CTNNA2: variants seen among roughly 807,000 people sequenced by gnomAD.
CTNNA2 encodes catenin alpha-2.
Under a neutral mutation model 101.0 loss-of-function variants are expected in CTNNA2, and 42 were observed. That is an observed-to-expected ratio of 0.42 (90% CI 0.32 to 0.54). The LOEUF is 0.54. Ranked by LOEUF, CTNNA2 falls within the 20% of genes least tolerant of loss-of-function variation. The pLI is 0.14. For synonymous variants in CTNNA2, 450 were observed against 456.4 expected, an observed-to-expected ratio of 0.99 and a Z score of 0.18; for missense variants, 871 against 1,223.1, an observed-to-expected ratio of 0.71 and a Z score of 4.29.
At chr2:79,678,310 G>A (rs899389670) in intron 2 of CTNNA2, among the ~76,000 whole-genome samples, 2 of 152,062 alleles carry the variant, frequency 1.3e-5, no homozygotes, top group African/African-American at 4.8e-5. Flanking sequence ...GGGAGCCCAA[G>A]GTAGGCAGAT....
chr2:79,817,236 C>T (rs1020883781), intron 3 of CTNNA2, among the ~76,000 whole-genome samples: 7 of 149,274 alleles, frequency 4.7e-5, no homozygotes, highest in African/African-American at 1.5e-4. Flanking sequence ...GTCATCTCTT[C>T]ATTTCACTTC....
At chr2:79,382,610 T>C (rs1678051374) in intron 4 of CTNNA2, among the ~76,000 whole-genome samples, 1 of 152,126 alleles carries the variant, frequency 6.6e-6, no homozygotes. Flanking sequence ...TAAAATAAAC[T>C]ATTAAATTTT....
intron 17 of CTNNA2, 90 bp from the exon 18 acceptor site, chr2:80,618,995 C>A (rs1430269719): frequency 8.7e-6 from 7 of 805,706 alleles, no homozygotes; most frequent in Middle Eastern, 4.0e-4. Flanking sequence ...CCCTCTTCCA[C>A]TCCCTAATCC....
intron 3 of CTNNA2, among the ~76,000 whole-genome samples, chr2:79,801,119 A>G (rs1558940480): frequency 6.6e-6 from 1 of 152,204 alleles, no homozygotes; most frequent in Non-Finnish European, 1.5e-5. Context: ...AGGTTTTGCT[A>G]AATGTAAATT....
intron 6 of CTNNA2, among the ~76,000 whole-genome samples, chr2:79,874,839 G>A (rs1399728036): frequency 6.6e-6 from 1 of 152,136 alleles, no homozygotes; most frequent in Non-Finnish European, 1.5e-5. Flanking sequence ...CTGTATTTAA[G>A]AGTGCCCAAT....
intron 9 of CTNNA2, among the ~76,000 whole-genome samples, chr2:80,468,453 C>G (rs775437566): frequency 2.0e-5 from 3 of 152,086 alleles, no homozygotes; most frequent in African/African-American, 7.3e-5. Context: ...GAGCCTGGCT[C>G]TGTCACCCAG....
intron 17 of CTNNA2, among the ~76,000 whole-genome samples, chr2:80,617,565 A>G (rs1698952656): frequency 6.6e-6 from 1 of 151,760 alleles, no homozygotes; most frequent in African/African-American, 2.4e-5. Flanking sequence ...TATATGCAAG[A>G]CTTTTTTTTC....
At chr2:79,756,754 G>A (rs920029192) in intron 3 of CTNNA2, among the ~76,000 whole-genome samples, 3 of 152,138 alleles carry the variant, frequency 2.0e-5, no homozygotes, top group African/African-American at 7.2e-5. Context: ...ATAAAAATGG[G>A]TGAAAGCCCT....
chr2:79,715,772 ACCCATTGCTAAC>A (rs1686055668), intron 2 of CTNNA2, among the ~76,000 whole-genome samples: 1 of 152,132 alleles, frequency 6.6e-6, no homozygotes, highest in African/African-American at 2.4e-5. Context: ...GACCGTCAGG[ACCCATTGCTAAC>A]CCACTGAATG....
intron 4 of CTNNA2, among the ~76,000 whole-genome samples, chr2:79,461,301 G>A (rs1670875219): frequency 6.6e-6 from 1 of 152,184 alleles, no homozygotes; most frequent in Non-Finnish European, 1.5e-5. Context: ...ATAAATGAAT[G>A]ATCAATTCTT....
intron 1 of CTNNA2, among the ~76,000 whole-genome samples, chr2:79,533,188 T>C (rs1672848836): frequency 6.6e-6 from 1 of 152,100 alleles, no homozygotes; most frequent in South Asian, 2.1e-4. Context: ...TCCCCATTTT[T>C]GTTACACCTT....
intron 7 of CTNNA2, among the ~76,000 whole-genome samples, chr2:80,364,512 G>T (rs1280190190): frequency 6.7e-6 from 1 of 149,446 alleles, no homozygotes; most frequent in African/African-American, 2.5e-5. Flanking sequence ...TATTCTAAAA[G>T]TAAGTTTCCC....
chr2:80,643,702 A>G (rs577793966), intron 18 of CTNNA2, among the ~76,000 whole-genome samples: 12 of 152,288 alleles, frequency 7.9e-5, no homozygotes, highest in African/African-American at 2.6e-4. Flanking sequence ...TAGATGACTA[A>G]TAAGAGTAGC....
chr2:79,286,167 T>G (rs1357327402), intron 2 of CTNNA2, among the ~76,000 whole-genome samples: 5 of 152,188 alleles, frequency 3.3e-5, no homozygotes, highest in African/African-American at 4.8e-5. Context: ...TGAGATGGGT[T>G]TCCTGGATAC....
At position 79,934,700 on chromosome 2, in the gene CTNNA2, G is replaced by A. The variant is rs552892694; in HGVS notation, c.1056+24903G>A. On this transcript the variant is annotated intron_variant, in intron 7 of 18. Transcript: ENST00000402739. ...TGCAGCTCAGGATTAGACACTACCA[G>A]ATGTGATATACAGAGGGGAACAAGG... Among the ~76,000 whole-genome samples, 11 of 152,336 alleles carry A rather than the reference G, an allele frequency of 7.2e-5. No homozygotes were observed. In the South Asian group the frequency reaches 2.3e-3, roughly 32 times the overall value.
At chr2:79,219,216 A>G (rs1034595081) in intron 2 of CTNNA2, among the ~76,000 whole-genome samples, 1 of 152,228 alleles carries the variant, frequency 6.6e-6, no homozygotes, top group Non-Finnish European at 1.5e-5. Context: ...TAGATGACCA[A>G]TATTCTGTTG....
At position 79,818,839 on chromosome 2, in the gene CTNNA2, ATATATATATG is replaced by A. The variant is rs1487710729; in HGVS notation, c.299-39173_299-39164del. Among the ~76,000 whole-genome samples, 3 of 139,342 alleles carry A rather than the reference ATATATATATG, an allele frequency of 2.2e-5. 1 individual carries two copies. The highest frequency in any genetic ancestry group is 4.6e-5 in the Non-Finnish European group (3 of 65,220). The allele number at this position is 139,342 out of a possible 152,430, so 91.4% of individuals were successfully genotyped here. A position where few individuals can be genotyped will look rare whatever the true frequency, so the allele number is the denominator to read the frequency against. ...AATGCAATTATATATATATATATAT[ATATATATATG>A]GATGTATGTGTATCATATTAAGTAA... On this transcript the variant is annotated intron_variant, in intron 3 of 18. Coordinates refer to ENST00000402739, the MANE Select transcript of CTNNA2 (RefSeq NM_001282597.3).
intron 2 of CTNNA2, among the ~76,000 whole-genome samples, chr2:79,201,196 T>A (rs927650232): frequency 1.3e-5 from 2 of 151,398 alleles, no homozygotes; most frequent in Admixed American, 6.6e-5. Context: ...TCAAATGCAA[T>A]GGGAAAAAGA....
At chr2:80,073,454 C>A (rs1698475923) in intron 7 of CTNNA2, among the ~76,000 whole-genome samples, 1 of 152,142 alleles carries the variant, frequency 6.6e-6, no homozygotes, top group African/African-American at 2.4e-5. Context: ...AGGGTAGCAG[C>A]AGCTTGAGAT....
Sources: gnomAD v4.1 joint callset for allele counts (sites outside exome capture counted in the v4.1 genomes callset) on GRCh38, gnomAD v4.1.1 for gene constraint, MANE v1.5 for transcripts, NCBI Gene and HGNC (gene_info 2026-07-23, HGNC 2026-07-21) for gene names.